Variants in ZDHHC11B observed in about 807,000 individuals in gnomAD.
ZDHHC11B encodes the protein probable palmitoyltransferase ZDHHC11B.
In ZDHHC11B, 17 loss-of-function variants were observed where a neutral mutation model predicts 42.3. The ratio of observed to expected loss-of-function variants is 0.40; its 90% confidence interval spans 0.27 to 0.60. The LOEUF is 0.60. Among genes scored for constraint, ZDHHC11B ranks in the 20% least tolerant of loss-of-function variants. ZDHHC11B has a pLI of 0.41. For synonymous variants in ZDHHC11B, 123 were observed against 193.5 expected, an observed-to-expected ratio of 0.64 and a Z score of 3.02; for missense variants, 262 against 463.2, an observed-to-expected ratio of 0.57 and a Z score of 3.99.
chr5:770,192 C>A lies in ZDHHC11B; in HGVS notation c.-229-1262G>T, dbSNP rs1327966941. On this transcript the variant is annotated intron_variant, in intron 1 of 13. Transcript: ENST00000508859. Reference sequence around the variant, plus strand: ...GAGCCGGGTGCAGCCCAGGAAACCCCGCCATACCAATGAGCACCAGGACGT... The same window carrying A: ...GAGCCGGGTGCAGCCCAGGAAACCCAGCCATACCAATGAGCACCAGGACGT... 2.0e-5 allele frequency among the ~76,000 whole-genome samples: 3 copies of A among 150,502 alleles called. No individual in the cohort carries two copies. In the Admixed American group the frequency reaches 2.0e-4, roughly 10 times the overall value.
intron 1 of ZDHHC11B, among the ~76,000 whole-genome samples, chr5:773,651 T>G (rs1452726668): frequency 2.6e-5 from 4 of 151,920 alleles, no homozygotes; most frequent in African/African-American, 9.7e-5. Flanking sequence ...AGGAGGGACG[T>G]GCCCAGCCCT....
At chr5:722,401 G>A (rs1462440732) in intron 12 of ZDHHC11B, among the ~76,000 whole-genome samples, 5 of 151,530 alleles carry the variant, frequency 3.3e-5, no homozygotes, top group African/African-American at 7.3e-5. Context: ...AGGGACATGA[G>A]CAAGTGCTTC....
intron 13 of ZDHHC11B, among the ~76,000 whole-genome samples, chr5:714,797 ATTG>A (rs1210047990): frequency 6.9e-6 from 1 of 144,302 alleles, no homozygotes; most frequent in African/African-American, 2.5e-5. Context: ...TTTGATCTCC[ATTG>A]TTGGAGATGG....
intron 1 of ZDHHC11B, among the ~76,000 whole-genome samples, chr5:776,358 AC>A (rs1736481820): frequency 6.6e-6 from 1 of 151,516 alleles, no homozygotes; most frequent in African/African-American, 2.4e-5. Flanking sequence ...CATGACCTGG[AC>A]CCAGGTCGCT....
At position 784,702 on chromosome 5, in the gene ZDHHC11B, C is replaced by A. The variant is rs868568558; in HGVS notation, c.-264G>T. ...GCAGCAACTGCAGCGGAGGCTCCCC[C>A]GCGACCCGGCCGCGCGCGACCAAGT... is the stretch of plus-strand genomic sequence containing the variant. On this transcript the variant is annotated 5_prime_UTR_variant, in exon 1 of 14. Coordinates refer to ENST00000508859, the MANE Select transcript of ZDHHC11B (RefSeq NM_001351303.2). Among the ~76,000 whole-genome samples the A allele has an allele frequency of 1.3e-5, 2 of 150,250 alleles. No individual in the cohort carries two copies. Among genetic ancestry groups the A allele is most frequent in the South Asian group, 4.2e-4 (2 of 4,750 alleles).
At chr5:756,948 T>C (rs1733939806) in intron 4 of ZDHHC11B, among the ~76,000 whole-genome samples, 1 of 151,754 alleles carries the variant, frequency 6.6e-6, no homozygotes, top group African/African-American at 2.4e-5. Flanking sequence ...TGGGCCTCTG[T>C]CTTGGGCCCT....
At chr5:720,890 A>G (rs2434638) in intron 12 of ZDHHC11B, among the ~76,000 whole-genome samples, 106,063 of 150,406 alleles carry the variant, frequency 0.71, 35,793 homozygotes, top group African/African-American at 0.91. Flanking sequence ...TGGGAGGATC[A>G]TGTGAGACCA....
At chr5:750,469 C>T (rs545565930) in intron 7 of ZDHHC11B, among the ~76,000 whole-genome samples, 11 of 132,914 alleles carry the variant, frequency 8.3e-5, no homozygotes, top group Admixed American at 2.6e-4. Context: ...CAAGCACACT[C>T]GTGGCTAGAT....
chr5:760,417 G>A (rs1217659972), intron 4 of ZDHHC11B, among the ~76,000 whole-genome samples: 5 of 151,856 alleles, frequency 3.3e-5, no homozygotes, highest in East Asian at 3.9e-4. Flanking sequence ...ACGAGAAGAC[G>A]AGCCACAGAG....
At position 766,360 on chromosome 5, in the gene ZDHHC11B, C is replaced by A. The variant is rs1276866368; in HGVS notation, c.222+338G>T. ...TCCCCCACCTGCTGGGAGATGGGAG[C>A]AGACGGCCTGACATGGGGTCAGCGG... is the stretch of plus-strand genomic sequence containing the variant. On this transcript the variant is annotated intron_variant, in intron 4 of 13. Coordinates refer to ENST00000508859, the MANE Select transcript of ZDHHC11B (RefSeq NM_001351303.2). Among the ~76,000 whole-genome samples the A allele has an allele frequency of 2.0e-4, 31 of 151,972 alleles. 2 individuals carry two copies. Among genetic ancestry groups the A allele is most frequent in the African/African-American group, 6.5e-4 (27 of 41,458 alleles).
At chr5:755,313 G>C (rs1733662374) in intron 5 of ZDHHC11B, among the ~76,000 whole-genome samples, 1 of 136,008 alleles carries the variant, frequency 7.4e-6, no homozygotes, top group South Asian at 2.7e-4. Flanking sequence ...GGTAGCCACA[G>C]AGCAGGAGGA....
intron 1 of ZDHHC11B, among the ~76,000 whole-genome samples, chr5:776,519 C>T (rs1453216429): frequency 1.3e-5 from 2 of 151,902 alleles, no homozygotes; most frequent in African/African-American, 2.4e-5. Flanking sequence ...GCCTGCTGGG[C>T]CCACGCAGTG....
chr5:746,542 G>A (rs368897), intron 8 of ZDHHC11B, among the ~76,000 whole-genome samples: 76,010 of 120,622 alleles, frequency 0.63, 23,270 homozygotes, highest in Middle Eastern at 0.76. Context: ...CAAGAAGCCC[G>A]TTCCAAGTGC....
intron 12 of ZDHHC11B, among the ~76,000 whole-genome samples, chr5:721,734 C>A (rs1211094607): frequency 6.6e-6 from 1 of 151,670 alleles, no homozygotes; most frequent in Non-Finnish European, 1.5e-5. Context: ...GGGGAAGGCA[C>A]TGGAAAGGAA....
chr5:784,382 C>A lies in ZDHHC11B; in HGVS notation c.-230+286G>T, dbSNP rs1409207995. On this transcript the variant is annotated intron_variant, in intron 1 of 13. Coordinates refer to ENST00000508859, the MANE Select transcript of ZDHHC11B (RefSeq NM_001351303.2). The stretch of plus-strand genomic sequence containing the variant: ...AAAGGCCAAAGCGCCAGGCACAGGG[C>A]CCGGAGAAAGTGACAGACCTGTCCC... 5.3e-5 allele frequency among the ~76,000 whole-genome samples: 8 copies of A among 152,046 alleles called. No individual in the cohort carries two copies. In the East Asian group the frequency reaches 1.4e-3, roughly 26 times the overall value.
intron 3 of ZDHHC11B, 87 bp from the exon 4 acceptor site, chr5:767,006 G>T (rs2150223149): frequency 1.4e-6 from 2 of 1,458,378 alleles, no homozygotes; most frequent in Non-Finnish European, 1.9e-6. Context: ...CGGGGACTGG[G>T]AACATGGCCC....
At position 754,285 on chromosome 5, in the gene ZDHHC11B, C is replaced by T. The variant is rs1313172852; in HGVS notation, c.503+713G>A. ...CTCTCGTCTATGAGCCTCCACCGTG[C>T]TCAGGGGAAACACCTCTCGCCTATG... On this transcript the variant is annotated intron_variant, in intron 6 of 13. Coordinates refer to ENST00000508859, the MANE Select transcript of ZDHHC11B (RefSeq NM_001351303.2). Among the ~76,000 whole-genome samples, 248 of 126,682 alleles carry T rather than the reference C, an allele frequency of 2.0e-3. 5 individuals are homozygous for T. The highest frequency in any genetic ancestry group is 3.0e-3 in the Non-Finnish European group (171 of 57,064). 83.1% of individuals were successfully genotyped at this position (126,682 alleles called of 152,430 possible). A position where few individuals can be genotyped will look rare whatever the true frequency, so the allele number is the denominator to read the frequency against.
intron 1 of ZDHHC11B, among the ~76,000 whole-genome samples, chr5:780,417 C>T (rs576032750): frequency 4.6e-5 from 7 of 151,266 alleles, no homozygotes; most frequent in African/African-American, 1.5e-4. Context: ...TGAGCACGAG[C>T]ACCTGGGGCT....
chr5:738,839 C>G (rs1479331277), intron 10 of ZDHHC11B, among the ~76,000 whole-genome samples: 1 of 150,600 alleles, frequency 6.6e-6, no homozygotes, highest in African/African-American at 2.5e-5. Context: ...TACAAGATAT[C>G]ATCAGAAAAA....
Sources: gnomAD v4.1 joint callset for allele counts (sites outside exome capture counted in the v4.1 genomes callset) on GRCh38, gnomAD v4.1.1 for gene constraint, MANE v1.5 for transcripts, NCBI Gene and HGNC (gene_info 2026-07-23, HGNC 2026-07-21) for gene names.